The following PRELID2 variants were observed in gnomAD, a reference collection of about 807,000 sequenced individuals.
PRELID2 encodes PRELI domain-containing protein 2.
PRELID2 carries 25 observed loss-of-function variants against 28.4 expected under a neutral mutation model. The ratio of observed to expected loss-of-function variants is 0.88; its 90% CI spans 0.64 to 1.23. PRELID2 has a LOEUF of 1.23. Among genes scored for constraint, PRELID2 ranks in the 50% most tolerant of loss-of-function variants. The probability of loss-of-function intolerance (pLI) is 0.00; values close to 1 mark genes in which losing one functional copy is unlikely to be tolerated. For synonymous variants in PRELID2, 76 were observed against 71.6 expected, an observed-to-expected ratio of 1.06 and a Z score of -0.31; for missense variants, 201 against 214.4, an observed-to-expected ratio of 0.94 and a Z score of 0.39.
chr5:145,472,402 G>A (rs926344454), intron 2 of PRELID2, among the ~76,000 whole-genome samples: 1 of 152,100 alleles, frequency 6.6e-6, no homozygotes, highest in South Asian at 2.1e-4. Context: ...CACAGCCCCA[G>A]ATAGGTTAAG....
Position 145,693,602 on chromosome 5 carries a change from C to T in PRELID2, n.70+71329G>A, listed in dbSNP as rs1277255020. Among the ~76,000 whole-genome samples, 17 of 152,042 alleles carry T rather than the reference C, an allele frequency of 1.1e-4. 1 individual carries two copies. The highest frequency in any genetic ancestry group is 1.0e-3 in the Admixed American group (16 of 15,260). On this transcript the variant is annotated intron_variant and non_coding_transcript_variant, in intron 1 of 2. Transcript: ENST00000510259. ...TGGACAACATAGCAAGATCCTGTCT[C>T]CAAAATAAAAAATTTTAAAAATTAG...
chr5:145,286,708 TTTTGTTTGTTTGTTTG>T, the PRELID2 span, among the ~76,000 whole-genome samples: 264 of 97,088 alleles, frequency 2.7e-3, 2 homozygotes, highest in African/African-American at 0.013. Flanking sequence ...TTTTGTTTTT[TTTTGTTTGTTTGTTTG>T]TTTTTTTTTT....
At chr5:145,413,693 C>T in the PRELID2 span, among the ~76,000 whole-genome samples, 1 of 151,810 alleles carries the variant, frequency 6.6e-6, no homozygotes, top group Admixed American at 6.6e-5. Context: ...CACATTTACT[C>T]ATCCCCCACC....
chr5:145,650,512 A>G (rs938163134), intron 1 of PRELID2, among the ~76,000 whole-genome samples: 1 of 136,700 alleles, frequency 7.3e-6, no homozygotes, highest in Admixed American at 8.0e-5. Flanking sequence ...TTTTGAGCAT[A>G]TCGAATCGCA....
At chr5:145,337,381 T>C in the PRELID2 span, among the ~76,000 whole-genome samples, 14 of 151,678 alleles carry the variant, frequency 9.2e-5, no homozygotes, top group Admixed American at 3.3e-4. Context: ...AAACACCAGC[T>C]TGGTGTCCTG....
At chr5:145,749,683 T>A (rs765393599) in intron 1 of PRELID2, among the ~76,000 whole-genome samples, 1 of 152,158 alleles carries the variant, frequency 6.6e-6, no homozygotes, top group Non-Finnish European at 1.5e-5. Flanking sequence ...ATTGCAGCAC[T>A]GCTCACAATA....
rs1752279299 is a variant in PRELID2 at position 145,492,699 on chromosome 5, G to A, written n.71-19384C>T. 1.4e-5 allele frequency among the ~76,000 whole-genome samples: 2 copies of A among 141,194 alleles called. 1 individual carries two copies. Among genetic ancestry groups the A allele is most frequent in the Admixed American group, 1.4e-4 (2 of 14,042 alleles). 92.6% of individuals were successfully genotyped at this position (141,194 alleles called of 152,430 possible). A position where few individuals can be genotyped will look rare whatever the true frequency, so the allele number is the denominator to read the frequency against. On this transcript the variant is annotated intron_variant and non_coding_transcript_variant, in intron 1 of 2. Transcript: ENST00000510259. ...CATTTTGAGTTGATTTCTGAATATAGTGTGAGATAGGGTTCAGAAGTCTGG... is the reference window on the plus strand; with the variant it reads ...CATTTTGAGTTGATTTCTGAATATAATGTGAGATAGGGTTCAGAAGTCTGG...
chr5:145,834,907 C>A (rs1755835808), intron 1 of PRELID2: 2 of 389,626 alleles, frequency 5.1e-6, no homozygotes, highest in East Asian at 8.2e-5. Flanking sequence ...ACGGAGCTCA[C>A]GAGCTGGGAT....
At chr5:145,563,925 C>T (rs1752944132) in intron 1 of PRELID2, among the ~76,000 whole-genome samples, 2 of 152,132 alleles carry the variant, frequency 1.3e-5, no homozygotes, top group South Asian at 4.1e-4. Context: ...ATTTCAAGTG[C>T]TCTCACCAAA....
At chr5:145,702,005 C>T (rs985389132) in intron 1 of PRELID2, among the ~76,000 whole-genome samples, 3 of 151,942 alleles carry the variant, frequency 2.0e-5, no homozygotes, top group Admixed American at 6.6e-5. Context: ...GAGCTGAGAT[C>T]ATGCCATTGC....
the PRELID2 span, among the ~76,000 whole-genome samples, chr5:145,356,335 T>C: frequency 1.3e-5 from 2 of 151,936 alleles, no homozygotes; most frequent in Non-Finnish European, 2.9e-5. Context: ...AATACTTATT[T>C]TAATATAAAT....
At chr5:145,773,976 A>G (rs750400755) in intron 5 of PRELID2, among the ~76,000 whole-genome samples, 1 of 152,224 alleles carries the variant, frequency 6.6e-6, no homozygotes, top group Non-Finnish European at 1.5e-5. Flanking sequence ...ATGCAATTCT[A>G]TAAGTCAATG....
the PRELID2 span, among the ~76,000 whole-genome samples, chr5:145,376,646 T>C: frequency 6.6e-6 from 1 of 152,194 alleles, no homozygotes; most frequent in Non-Finnish European, 1.5e-5. Context: ...CAGCAATTTA[T>C]CCATTTCTTC....
rs112497884 is a variant in PRELID2, at chr5:145,763,696, T to C, written c.*10+1235A>G. Among the ~76,000 whole-genome samples the C allele has an allele frequency of 9.4e-3, 1,436 of 152,360 alleles. 25 individuals are homozygous for C. The highest frequency in any genetic ancestry group is 0.033 in the African/African-American group (1,379 of 41,584). On this transcript the variant is annotated intron_variant, in intron 6 of 6. Transcript: ENST00000683046. ...ACACAAGACTATGTGTCTCAACTTT[T>C]AAACCAACACAAGAAAACCTGAGGT... is the stretch of plus-strand genomic sequence containing the variant.
At chr5:145,819,256 C>A (rs1231267425) in intron 3 of PRELID2, 2 of 694,924 alleles carry the variant, frequency 2.9e-6, no homozygotes, top group African/African-American at 1.8e-5. Context: ...TTGAAACTAC[C>A]CTCTGAGACC....
the PRELID2 span, among the ~76,000 whole-genome samples, chr5:145,442,528 G>A: frequency 2.6e-5 from 4 of 152,148 alleles, no homozygotes; most frequent in African/African-American, 9.6e-5. Context: ...GGGTCAAGGG[G>A]TGTCACCGCC....
intron 1 of PRELID2, among the ~76,000 whole-genome samples, chr5:145,654,565 T>G (rs936884258): frequency 2.6e-5 from 4 of 152,252 alleles, no homozygotes; most frequent in Non-Finnish European, 5.9e-5. Flanking sequence ...CAACTGGGCT[T>G]CAGCCCTGGG....
At chr5:145,342,197 A>G in the PRELID2 span, among the ~76,000 whole-genome samples, 2 of 152,234 alleles carry the variant, frequency 1.3e-5, no homozygotes, top group Non-Finnish European at 2.9e-5. Context: ...TCTTTCCAAG[A>G]TAGACAAATC....
chr5:145,566,839 C>CAA (rs537384269), intron 1 of PRELID2, among the ~76,000 whole-genome samples: 70 of 57,314 alleles, frequency 1.2e-3, no homozygotes, highest in Middle Eastern at 0.024. Context: ...GACTCCATCT[C>CAA]AAAAAAAAAA....
Sources: allele counts gnomAD v4.1 joint callset (sites outside exome capture counted in the v4.1 genomes callset), GRCh38; gene constraint gnomAD v4.1.1; transcripts MANE v1.5; gene names NCBI Gene and HGNC (gene_info 2026-07-23, HGNC 2026-07-21).